PTGR1: variants seen among roughly 807,000 people sequenced by gnomAD.
PTGR1 encodes the protein 15-oxoprostaglandin 13-reductase.
Under a neutral mutation model 37.7 loss-of-function variants are expected in PTGR1, and 23 were observed. The ratio of observed to expected loss-of-function variants is 0.61; its 90% CI spans 0.44 to 0.86. The LOEUF (loss-of-function observed/expected upper bound fraction) is 0.86, where lower values mean the gene tolerates loss of function less well. PTGR1 is among the 40% of genes least tolerant of loss of function. The probability of loss-of-function intolerance (pLI) is 0.00; values close to 1 mark genes in which losing one functional copy is unlikely to be tolerated. For synonymous variants in PTGR1, 134 were observed against 140.0 expected (o/e 0.96, Z 0.30); for missense variants, 351 against 394.3 (o/e 0.89, Z 0.93).
chr9:111,585,445 TAAG>T (rs1020976022), intron 5 of PTGR1, among the ~76,000 whole-genome samples: 1 of 152,150 alleles, frequency 6.6e-6, no homozygotes, highest in Non-Finnish European at 1.5e-5. Flanking sequence ...CAGGAAAGAA[TAAG>T]AAGTGCTGGA....
At chr9:111,581,026 A>T (rs994696851) in intron 6 of PTGR1, among the ~76,000 whole-genome samples, 4 of 152,218 alleles carry the variant, frequency 2.6e-5, no homozygotes, top group Admixed American at 2.0e-4. Flanking sequence ...ATGTGTTCAT[A>T]CTGTTTCAAG....
intron 6 of PTGR1, among the ~76,000 whole-genome samples, chr9:111,581,233 A>G (rs2132402677): frequency 6.6e-6 from 1 of 152,350 alleles, no homozygotes; most frequent in Middle Eastern, 3.4e-3. Flanking sequence ...AAAAAGTACA[A>G]AAGATGTAAT....
At chr9:111,558,485 C>A (rs2132301274), downstream of PTGR1, among the ~76,000 whole-genome samples, 1 of 152,242 alleles carries the variant, frequency 6.6e-6, no homozygotes, top group Non-Finnish European at 1.5e-5. Flanking sequence ...TGAAGTCAGC[C>A]TGGACAACAT....
chr9:111,554,701 G>A lies in PTGR1; in HGVS notation c.880-4902C>T, dbSNP rs77048935. Among the ~76,000 whole-genome samples the A allele has an allele frequency of 9.0e-3, 1,376 of 152,286 alleles. 9 individuals carry two copies. The highest frequency in any genetic ancestry group is 0.014 in the Non-Finnish European group (960 of 68,020). ...GCAGGATGGCAAGAGGTTTCATCAGGCTACTCAGAACATACTGGAATTTTT... is the reference window on the plus strand; with the variant it reads ...GCAGGATGGCAAGAGGTTTCATCAGACTACTCAGAACATACTGGAATTTTT... On this transcript the variant is annotated intron_variant, in intron 9 of 9. Coordinates refer to the PTGR1 transcript ENST00000538962.
intron 4 of PTGR1, among the ~76,000 whole-genome samples, chr9:111,588,808 G>A (rs1829520888): frequency 6.6e-6 from 1 of 152,144 alleles, no homozygotes; most frequent in South Asian, 2.1e-4. Flanking sequence ...TTACAGGCGT[G>A]AGCCACTGTG....
intron 2 of PTGR1, among the ~76,000 whole-genome samples, chr9:111,595,970 C>G (rs572425074): frequency 6.6e-6 from 1 of 152,274 alleles, no homozygotes; most frequent in East Asian, 1.9e-4. Context: ...CGTATAGCTA[C>G]TGGGCAGTGC....
At chr9:111,584,043 C>G (rs549068532) in intron 5 of PTGR1, among the ~76,000 whole-genome samples, 1 of 152,272 alleles carries the variant, frequency 6.6e-6, no homozygotes, top group East Asian at 1.9e-4. Context: ...CAGGGAGCAT[C>G]TGGAGCTTTC....
At chr9:111,551,097 T>A (rs918597550) in intron 9 of PTGR1, among the ~76,000 whole-genome samples, 7 of 152,260 alleles carry the variant, frequency 4.6e-5, no homozygotes, top group African/African-American at 1.7e-4. Context: ...GTAGCCACTT[T>A]TAGAAAATAA....
chr9:111,599,208 T>TCGCCTCC (rs1215020925), intron 1 of PTGR1: 3 of 151,720 alleles, frequency 2.0e-5, no homozygotes, highest in Non-Finnish European at 4.4e-5. Context: ...GCTCCCACCC[T>TCGCCTCC]CGCCTCCCGC....
downstream of PTGR1, among the ~76,000 whole-genome samples, chr9:111,560,966 TATATATATAGAGAGAGAG>T (rs1224918834): frequency 5.7e-4 from 26 of 45,356 alleles, 4 homozygotes; most frequent in Admixed American, 6.8e-3. Context: ...TATATATATA[TATATATATAGAGAGAGAG>T]AGAGAGAGAG....
chr9:111,599,131 C>T (rs954839039), intron 1 of PTGR1, among the ~76,000 whole-genome samples: 1 of 152,128 alleles, frequency 6.6e-6, no homozygotes, highest in Admixed American at 6.5e-5. Flanking sequence ...GGCCAGGTCC[C>T]GGGAAAGTCT....
chr9:111,594,743 G>A (rs1342986754), intron 2 of PTGR1, among the ~76,000 whole-genome samples: 3 of 151,352 alleles, frequency 2.0e-5, no homozygotes, highest in Non-Finnish European at 2.9e-5. Context: ...TAGTAGAGAC[G>A]GGTTTCACCG....
intron 9 of PTGR1, among the ~76,000 whole-genome samples, chr9:111,566,083 A>C (rs566411482): frequency 2.6e-5 from 4 of 152,112 alleles, no homozygotes; most frequent in Admixed American, 1.3e-4. Flanking sequence ...GGCACCTGTA[A>C]TCCCAGCTAC....
chr9:111,552,861 A>C (rs562302971), intron 9 of PTGR1, among the ~76,000 whole-genome samples: 1 of 152,186 alleles, frequency 6.6e-6, no homozygotes, highest in South Asian at 2.1e-4. Context: ...AAATTGTTTA[A>C]TGGTTTCATT....
chr9:111,558,875 ACT>A (rs1291107850), downstream of PTGR1, among the ~76,000 whole-genome samples: 2 of 152,184 alleles, frequency 1.3e-5, no homozygotes, highest in East Asian at 3.9e-4. Flanking sequence ...ACAGTGAGAA[ACT>A]CTGGCTTCCC....
chr9:111,568,403 G>A (rs143539373), intron 9 of PTGR1, among the ~76,000 whole-genome samples: 10,212 of 152,110 alleles, frequency 0.067, 575 homozygotes, highest in African/African-American at 0.14. Context: ...GAAAAACTCC[G>A]CCCTGGTAAA....
chr9:111,550,949 C>T lies in PTGR1; in HGVS notation c.880-1150G>A, dbSNP rs144185330. On this transcript the variant is annotated intron_variant, in intron 9 of 9. Transcript: ENST00000538962. ...TTCTGTCTCTCACACTGGAGGCTTTCCTGAAGCCTCTGATGATCTTTGACT... is the reference window on the plus strand; with the variant it reads ...TTCTGTCTCTCACACTGGAGGCTTTTCTGAAGCCTCTGATGATCTTTGACT... 2.5e-3 allele frequency among the ~76,000 whole-genome samples: 378 copies of T among 152,244 alleles called. 1 individual carries two copies. The highest frequency in any genetic ancestry group is 7.5e-3 in the African/African-American group (310 of 41,540).
At chr9:111,585,238 A>G (rs1426990686) in intron 5 of PTGR1, among the ~76,000 whole-genome samples, 1 of 152,214 alleles carries the variant, frequency 6.6e-6, no homozygotes, top group African/African-American at 2.4e-5. Flanking sequence ...AGAAATATAC[A>G]TAAGTGAATA....
chr9:111,556,268 C>A (rs913195385), intron 9 of PTGR1, among the ~76,000 whole-genome samples: 1 of 152,268 alleles, frequency 6.6e-6, no homozygotes, highest in Non-Finnish European at 1.5e-5. Context: ...ACCTCTGCCC[C>A]TGTTACTCTG....
Sources: gnomAD v4.1 joint callset for allele counts (sites outside exome capture counted in the v4.1 genomes callset) on GRCh38, gnomAD v4.1.1 for gene constraint, MANE v1.5 for transcripts, NCBI Gene and HGNC (gene_info 2026-07-23, HGNC 2026-07-21) for gene names.